DOCK9: variants seen among roughly 807,000 people sequenced by gnomAD.
DOCK9 encodes dedicator of cytokinesis 9, also known as dedicator of cytokinesis protein 9.
A neutral mutation model predicts 263.3 loss-of-function variants in DOCK9; 89 were observed. That is an observed-to-expected ratio of 0.34 (90% CI 0.28 to 0.40). The LOEUF is 0.40. Among genes scored for constraint, DOCK9 ranks in the 10% least tolerant of loss-of-function variants. The pLI is 1.00. For missense variants in DOCK9, 2,140 were observed against 2,603.4 expected (o/e 0.82, Z 3.87); for synonymous variants, 976 against 973.1 (o/e 1.00, Z -0.06).
intron 9 of DOCK9, among the ~76,000 whole-genome samples, chr13:98,911,041 G>A (rs76796899): frequency 0.029 from 4,364 of 152,240 alleles, 203 homozygotes; most frequent in African/African-American, 0.098. Flanking sequence ...TCAAGGCTGG[G>A]GATGGGGAAC....
chr13:99,028,923 T>C (rs148212059), intron 1 of DOCK9, among the ~76,000 whole-genome samples: 15 of 152,358 alleles, frequency 9.8e-5, no homozygotes, highest in African/African-American at 3.1e-4. Flanking sequence ...TGGCCAATTA[T>C]ATAGGTATTC....
intron 4 of DOCK9, 43 bp from the exon 5 acceptor site, chr13:98,923,414 C>T: frequency 5.2e-6 from 8 of 1,527,788 alleles, no homozygotes; most frequent in South Asian, 1.1e-5. Context: ...AATGCCTAGT[C>T]AAGGAAGAGG....
chr13:98,862,926 T>C (rs2093916280), intron 32 of DOCK9, 93 bp downstream of exon 32: 3 of 1,053,484 alleles, frequency 2.8e-6, no homozygotes, highest in East Asian at 5.2e-5. Context: ...GAGAATAAAC[T>C]GCTGCTGCTC....
chr13:99,034,036 C>T lies in DOCK9; in HGVS notation c.129+52187G>A, dbSNP rs529723612. On this transcript the variant is annotated intron_variant, in intron 1 of 32. Coordinates refer to the DOCK9 transcript ENST00000427887. ...CCATCTAGTGGATTAATGGAAGATC[C>T]TCAGGATGAGAGAAAAGCACATTTT... Among the ~76,000 whole-genome samples the T allele has an allele frequency of 6.6e-5, 10 of 152,200 alleles. No homozygotes were observed. The South Asian group carries it at 2.1e-3, about 32-fold the overall frequency.
chr13:98,961,084 C>T (rs1362130319), intron 1 of DOCK9, among the ~76,000 whole-genome samples: 3 of 152,216 alleles, frequency 2.0e-5, no homozygotes, highest in Admixed American at 1.3e-4. Context: ...TGTAGCTCAA[C>T]GTAGTGAGAG....
At chr13:98,881,255 G>A (rs2044707292) in intron 25 of DOCK9, among the ~76,000 whole-genome samples, 3 of 151,996 alleles carry the variant, frequency 2.0e-5, no homozygotes, top group Admixed American at 6.5e-5. Context: ...GACAACTAAC[G>A]TTAGCAGAGG....
intron 1 of DOCK9, among the ~76,000 whole-genome samples, chr13:99,080,365 T>C (rs1008749076): frequency 1.2e-4 from 18 of 152,176 alleles, no homozygotes; most frequent in South Asian, 2.1e-4. Context: ...ACTCTCAGGA[T>C]TACACTTAGG....
intron 1 of DOCK9, among the ~76,000 whole-genome samples, chr13:99,034,102 C>T (rs761146327): frequency 6.6e-6 from 1 of 152,154 alleles, no homozygotes; most frequent in Non-Finnish European, 1.5e-5. Flanking sequence ...CATTCATCTG[C>T]TATCCCATAC....
At chr13:98,854,231 A>AG (rs34064720) in intron 34 of DOCK9, among the ~76,000 whole-genome samples, 78,115 of 151,832 alleles carry the variant, frequency 0.51, 20,476 homozygotes, top group Middle Eastern at 0.61. Flanking sequence ...GTGGAAAAAA[A>AG]GCAGAACAAG....
chr13:98,902,041 G>C (rs1413527531), intron 12 of DOCK9, 141 bp from the exon 13 acceptor site: 1 of 1,117,904 alleles, frequency 8.9e-7, no homozygotes, highest in Non-Finnish European at 1.2e-6. Flanking sequence ...CTGACAAACA[G>C]TTCATCATCT....
At chr13:98,984,592 A>G (rs1878008053) in intron 1 of DOCK9, among the ~76,000 whole-genome samples, 1 of 152,208 alleles carries the variant, frequency 6.6e-6, no homozygotes, top group Non-Finnish European at 1.5e-5. Context: ...TTTTCTCTCT[A>G]AAGTCTTCTA....
intron 1 of DOCK9, among the ~76,000 whole-genome samples, chr13:99,018,640 T>A (rs576422055): frequency 1.6e-3 from 245 of 152,336 alleles, no homozygotes; most frequent in African/African-American, 5.7e-3. Context: ...CTCATGATAA[T>A]AGAAGCAAGA....
At chr13:98,932,778 T>A (rs2054174906) in intron 2 of DOCK9, among the ~76,000 whole-genome samples, 1 of 152,212 alleles carries the variant, frequency 6.6e-6, no homozygotes, top group South Asian at 2.1e-4. Flanking sequence ...GGCTCCCCAT[T>A]CTAAAGGAGT....
intron 27 of DOCK9, among the ~76,000 whole-genome samples, chr13:98,874,020 T>C (rs1337709094): frequency 6.6e-6 from 1 of 152,224 alleles, no homozygotes; most frequent in African/African-American, 2.4e-5. Context: ...GTCAGGTTTA[T>C]TGAGGCATAA....
chr13:98,839,025 A>G (rs2093113180), intron 38 of DOCK9, among the ~76,000 whole-genome samples: 2 of 152,364 alleles, frequency 1.3e-5, no homozygotes, highest in Admixed American at 1.3e-4. Context: ...AGAATTATAG[A>G]GTGGTTTTTA....
chr13:98,864,556 G>A (rs2093965244), intron 30 of DOCK9, among the ~76,000 whole-genome samples: 2 of 152,172 alleles, frequency 1.3e-5, no homozygotes, highest in South Asian at 2.1e-4. Context: ...TCTAGATTAT[G>A]TTCATTGTTT....
intron 38 of DOCK9, among the ~76,000 whole-genome samples, chr13:98,844,555 G>C (rs1288748740): frequency 6.6e-6 from 1 of 152,016 alleles, no homozygotes; most frequent in Non-Finnish European, 1.5e-5. Context: ...TAGAGACGGG[G>C]TTTCACCATG....
rs142464481 is a variant in DOCK9 at position 99,075,355 on chromosome 13, CT to C, written c.129+10867del. 3.0e-3 allele frequency among the ~76,000 whole-genome samples: 371 copies of C among 121,972 alleles called. 4 individuals carry two copies. Among genetic ancestry groups the C allele is most frequent in the African/African-American group, 9.5e-3 (306 of 32,322 alleles). 80.0% of individuals were successfully genotyped at this position (121,972 alleles called of 152,430 possible). A position where few individuals can be genotyped will look rare whatever the true frequency, so the allele number is the denominator to read the frequency against. On this transcript the variant is annotated intron_variant, in intron 1 of 32. Transcript: ENST00000427887. ...TGTTGTTCAAAGGTCAGCTGTAGTA[CT>C]TTTTTTTTTTTTTTTTTTGAGACAG...
chr13:98,855,890 G>A lies in DOCK9; in HGVS notation c.3831+8C>T. The A allele has an allele frequency of 6.2e-7, 1 of 1,613,758 alleles. No individual in the cohort carries two copies. Among genetic ancestry groups the A allele is most frequent in the Non-Finnish European group, 8.5e-7 (1 of 1,179,738 alleles). Reference sequence around the variant, plus strand: ...AAGAAACATTTGTGTTGGGTGAAAAGCAATTACCTTATCCAGGGAATTGCT... The same window carrying A: ...AAGAAACATTTGTGTTGGGTGAAAAACAATTACCTTATCCAGGGAATTGCT... On this transcript the variant is annotated splice_region_variant and intron_variant, in intron 34 of 52. Transcript: ENST00000682017.
Sources: allele counts gnomAD v4.1 joint callset (sites outside exome capture counted in the v4.1 genomes callset), GRCh38; gene constraint gnomAD v4.1.1; transcripts MANE v1.5; gene names NCBI Gene and HGNC (gene_info 2026-07-23, HGNC 2026-07-21).